Variants in NCOA1 observed in about 807,000 individuals in gnomAD.
NCOA1 encodes the protein nuclear receptor coactivator 1.
Under a neutral mutation model 150.9 loss-of-function variants are expected in NCOA1, and 35 were observed. The observed-to-expected ratio is 0.23, with a 90% CI of 0.18 to 0.31. The LOEUF (loss-of-function observed/expected upper bound fraction) is 0.31, where lower values mean the gene tolerates loss of function less well. NCOA1 is among the 10% of genes least tolerant of loss of function. The pLI is 1.00. For synonymous variants in NCOA1, 590 were observed against 630.0 expected (o/e 0.94, Z 0.95); for missense variants, 1,491 against 1,749.3 (o/e 0.85, Z 2.63).
chr2:24,685,391 G>C (rs1210910061), intron 8 of NCOA1, among the ~76,000 whole-genome samples: 1 of 152,162 alleles, frequency 6.6e-6, no homozygotes, highest in Non-Finnish European at 1.5e-5. Context: ...TACTTGCACA[G>C]ATGGTTATAA....
At chr2:24,585,729 T>C (rs964094276) in intron 3 of NCOA1, among the ~76,000 whole-genome samples, 18 of 152,216 alleles carry the variant, frequency 1.2e-4, no homozygotes, top group African/African-American at 3.9e-4. Context: ...TTTCAAAGTA[T>C]AGTTTACCCA....
intron 3 of NCOA1, among the ~76,000 whole-genome samples, chr2:24,586,140 G>A (rs1170631397): frequency 6.6e-6 from 1 of 151,894 alleles, no homozygotes; most frequent in Non-Finnish European, 1.5e-5. Flanking sequence ...GCTGGGCGTG[G>A]TGGCGGGCTC....
At chr2:24,529,325 G>A (rs1664784921) in intron 1 of NCOA1, among the ~76,000 whole-genome samples, 1 of 152,282 alleles carries the variant, frequency 6.6e-6, no homozygotes, top group African/African-American at 2.4e-5. Flanking sequence ...ATTTTCTAGG[G>A]CAGAGTTATT....
intron 21 of NCOA1, among the ~76,000 whole-genome samples, chr2:24,761,927 T>C (rs954766611): frequency 3.3e-5 from 5 of 152,258 alleles, no homozygotes; most frequent in African/African-American, 1.2e-4. Context: ...GTGGGGACTT[T>C]GGGAATTGTT....
intron 3 of NCOA1, among the ~76,000 whole-genome samples, chr2:24,641,034 G>A (rs1670191645): frequency 6.6e-6 from 1 of 151,834 alleles, no homozygotes; most frequent in African/African-American, 2.4e-5. Context: ...TTTTAGTAGA[G>A]TGCTAACAAT....
At position 24,531,700 on chromosome 2, in the gene NCOA1, T is replaced by TA. The variant is rs940949191; in HGVS notation, c.-395-32594dup. 7.9e-5 allele frequency among the ~76,000 whole-genome samples: 12 copies of TA among 152,182 alleles called. No homozygotes were observed. The South Asian group carries it at 1.4e-3, about 18-fold the overall frequency. On this transcript the variant is annotated intron_variant, in intron 1 of 22. Coordinates refer to ENST00000348332, the MANE Select transcript of NCOA1 (RefSeq NM_003743.5). The stretch of plus-strand genomic sequence containing the variant: ...CAGTTCCCACCTGTGAATGAGAACA[T>TA]ACGGTGTTTGGTTTTCTGCCCATGT...
intron 11 of NCOA1, among the ~76,000 whole-genome samples, chr2:24,701,633 A>G (rs1673167240): frequency 6.6e-6 from 1 of 152,178 alleles, no homozygotes; most frequent in African/African-American, 2.4e-5. Flanking sequence ...TCTCTGCATG[A>G]TGGAATTACA....
intron 7 of NCOA1, among the ~76,000 whole-genome samples, chr2:24,676,969 T>C (rs577131786): frequency 6.6e-6 from 1 of 152,308 alleles, no homozygotes; most frequent in Admixed American, 6.5e-5. Context: ...TATGTGATTA[T>C]GTAAAGAGAC....
In NCOA1 at chr2:24,707,422, A is replaced by G. The variant is rs748986369; in HGVS notation, c.1952A>G (p.Asp651Gly). The G allele has an allele frequency of 2.5e-6, 4 of 1,614,098 alleles. No homozygotes were observed. In the Admixed American group the frequency reaches 5.0e-5, roughly 20 times the overall value. Residue 651 changes from aspartate to glycine, a missense_variant, in exon 13 of 23, where the codon GAC becomes GGC. By Grantham distance (94) the Asp-to-Gly change is moderately conservative (BLOSUM62 -1). Around this residue, in one of 8 missense-constraint regions of NCOA1, gnomAD observed 703 missense variants for 717.7 expected, o/e 0.98. Coordinates refer to ENST00000348332, the MANE Select transcript of NCOA1 (RefSeq NM_003743.5). ...AEQQLRHADI[D>G]TSCKDVLSCT... Reference sequence around the variant, plus strand: ...CAGCAGTTACGGCATGCTGATATAGACACAAGCTGCAAAGATGTCCTGTCT... The same window carrying G: ...CAGCAGTTACGGCATGCTGATATAGGCACAAGCTGCAAAGATGTCCTGTCT...
chr2:24,584,144 A>C (rs1278942613), intron 2 of NCOA1, among the ~76,000 whole-genome samples: 1 of 152,142 alleles, frequency 6.6e-6, no homozygotes, highest in African/African-American at 2.4e-5. Flanking sequence ...TTGAAATATC[A>C]CCGTACCCCA....
At chr2:24,636,742 G>A (rs190249021) in intron 3 of NCOA1, among the ~76,000 whole-genome samples, 2 of 152,094 alleles carry the variant, frequency 1.3e-5, no homozygotes, top group African/African-American at 4.8e-5. Flanking sequence ...AATACTAGCT[G>A]TAGGTTTTTC....
At chr2:24,688,740 G>A (rs1191569061) in intron 8 of NCOA1, among the ~76,000 whole-genome samples, 1 of 152,062 alleles carries the variant, frequency 6.6e-6, no homozygotes, top group Admixed American at 6.6e-5. Flanking sequence ...CTGTGCAGAT[G>A]ATCTTATATT....
intron 1 of NCOA1, among the ~76,000 whole-genome samples, chr2:24,555,625 T>G (rs1356627088): frequency 6.6e-6 from 1 of 152,256 alleles, no homozygotes; most frequent in East Asian, 1.9e-4. Context: ...TTCATTTAAT[T>G]TGAAGTTGTA....
chr2:24,633,769 A>G (rs1445146212), intron 3 of NCOA1, among the ~76,000 whole-genome samples: 1 of 152,234 alleles, frequency 6.6e-6, no homozygotes, highest in African/African-American at 2.4e-5. Flanking sequence ...TTTGGTAAAC[A>G]GTTTGCCAGA....
chr2:24,763,090 A>G (rs1664868071), intron 22 of NCOA1, among the ~76,000 whole-genome samples: 1 of 152,216 alleles, frequency 6.6e-6, no homozygotes, highest in Non-Finnish European at 1.5e-5. Flanking sequence ...TTTTGTAAAT[A>G]AGCACAGTGC....
At chr2:24,663,337 G>A (rs1337830111) in intron 5 of NCOA1, among the ~76,000 whole-genome samples, 1 of 152,086 alleles carries the variant, frequency 6.6e-6, no homozygotes, top group Non-Finnish European at 1.5e-5. Flanking sequence ...TCTAGGTCTA[G>A]ATGTACTTCT....
chr2:24,674,719 T>C (rs1267868274), intron 7 of NCOA1, among the ~76,000 whole-genome samples: 2 of 151,380 alleles, frequency 1.3e-5, no homozygotes, highest in Admixed American at 6.6e-5. Flanking sequence ...GAGTACTTTA[T>C]ACATAGTTAG....
intron 1 of NCOA1, among the ~76,000 whole-genome samples, chr2:24,535,844 T>C (rs1368763603): frequency 6.6e-6 from 1 of 152,234 alleles, no homozygotes; most frequent in Non-Finnish European, 1.5e-5. Context: ...GGCTTCCCTT[T>C]GTGGGTAGCC....
chr2:24,523,204 C>T (rs376701484), intron 1 of NCOA1, among the ~76,000 whole-genome samples: 8 of 152,224 alleles, frequency 5.3e-5, no homozygotes, highest in South Asian at 2.1e-4. Context: ...TTTACTGCCC[C>T]GATCAGCTTT....
Sources: allele counts gnomAD v4.1 joint callset (sites outside exome capture counted in the v4.1 genomes callset), GRCh38; gene constraint gnomAD v4.1.1; regional missense constraint gnomAD v4.1.1; transcripts MANE v1.5; gene names NCBI Gene and HGNC (gene_info 2026-07-23, HGNC 2026-07-21).